The following PLEKHA5 variants were observed in gnomAD, a reference collection of about 807,000 sequenced individuals.
The protein encoded by PLEKHA5 is pleckstrin homology domain-containing family A member 5.
Under a neutral mutation model 181.9 loss-of-function variants are expected in PLEKHA5, and 55 were observed. That is an observed-to-expected ratio of 0.30 (90% CI 0.24 to 0.38). The LOEUF is 0.38. Among genes scored for constraint, PLEKHA5 ranks in the 10% least tolerant of loss-of-function variants. The probability of loss-of-function intolerance (pLI) is 1.00; values close to 1 mark genes in which losing one functional copy is unlikely to be tolerated. For synonymous variants in PLEKHA5, 535 were observed against 529.4 expected (o/e 1.01, Z -0.15); for missense variants, 1,432 against 1,549.5 (o/e 0.92, Z 1.27).
chr12:19,132,052 CT>C (rs531196693), intron 2 of PLEKHA5, among the ~76,000 whole-genome samples: 12 of 148,536 alleles, frequency 8.1e-5, no homozygotes, highest in Non-Finnish European at 6.0e-5. Flanking sequence ...TTATACCCAG[CT>C]TTTTTTTTTG....
At chr12:19,272,183 T>TA (rs1188033857) in intron 10 of PLEKHA5, among the ~76,000 whole-genome samples, 1 of 152,190 alleles carries the variant, frequency 6.6e-6, no homozygotes, top group African/African-American at 2.4e-5. Flanking sequence ...AATCTAAGTA[T>TA]AATATGGATT....
chr12:19,178,174 C>T, intron 3 of PLEKHA5, among the ~76,000 whole-genome samples: 1 of 152,132 alleles, frequency 6.6e-6, no homozygotes, highest in Non-Finnish European at 1.5e-5. Context: ...TTGTCATTTC[C>T]TTTGTGTGCT....
Position 19,329,437 on chromosome 12 carries a change from A to G in PLEKHA5, c.2448+6770A>G, listed in dbSNP as rs555026608. On this transcript the variant is annotated intron_variant, in intron 20 of 31. Transcript: ENST00000429027. Reference sequence around the variant, plus strand: ...TACCAGCTCTTTGTATGTCTGGTAGAAATCGGCTGTGAATCCATCTGATCC... The same window carrying G: ...TACCAGCTCTTTGTATGTCTGGTAGGAATCGGCTGTGAATCCATCTGATCC... Among the ~76,000 whole-genome samples, 5 of 152,306 alleles carry G rather than the reference A, an allele frequency of 3.3e-5. No homozygotes were observed. In the South Asian group the frequency reaches 1.0e-3, roughly 32 times the overall value.
chr12:19,337,454 C>G (rs1483561146), intron 21 of PLEKHA5, among the ~76,000 whole-genome samples: 1 of 146,238 alleles, frequency 6.8e-6, no homozygotes, highest in Non-Finnish European at 1.5e-5. Context: ...GAGGCTGAGG[C>G]AGGAGAATCA....
chr12:19,364,444 G>T (rs1475704120), intron 29 of PLEKHA5, among the ~76,000 whole-genome samples: 3 of 151,890 alleles, frequency 2.0e-5, no homozygotes, highest in African/African-American at 4.8e-5. Flanking sequence ...CAGGGAGGCG[G>T]AGGTCTCAGT....
At chr12:19,149,210 A>G (rs754331408) in intron 3 of PLEKHA5, among the ~76,000 whole-genome samples, 6 of 152,136 alleles carry the variant, frequency 3.9e-5, no homozygotes, top group Admixed American at 1.3e-4. Flanking sequence ...TTATTGCTCT[A>G]TGACAAACCA....
intron 3 of PLEKHA5, among the ~76,000 whole-genome samples, chr12:19,229,534 C>A (rs1040976517): frequency 2.6e-5 from 4 of 151,940 alleles, no homozygotes; most frequent in African/African-American, 9.7e-5. Context: ...GTTCATTCCT[C>A]CCGGTGGGTT....
At chr12:19,259,644 G>A (rs931691261) in intron 6 of PLEKHA5, among the ~76,000 whole-genome samples, 3 of 151,788 alleles carry the variant, frequency 2.0e-5, no homozygotes, top group South Asian at 4.2e-4. Flanking sequence ...CTAGCTACTC[G>A]GGAGGCTGAG....
At chr12:19,136,831 T>C (rs1206565809) in intron 3 of PLEKHA5, among the ~76,000 whole-genome samples, 1 of 151,862 alleles carries the variant, frequency 6.6e-6, no homozygotes, top group East Asian at 1.9e-4. Context: ...GCAAATAGAG[T>C]ATGAGGTTTT....
At chr12:19,136,879 A>G (rs1404332410) in intron 3 of PLEKHA5, among the ~76,000 whole-genome samples, 2 of 152,170 alleles carry the variant, frequency 1.3e-5, no homozygotes, top group East Asian at 1.9e-4. Context: ...AATGTATGCT[A>G]ATTCCAAACT....
At chr12:19,273,692 C>T (rs768870292) in intron 10 of PLEKHA5, among the ~76,000 whole-genome samples, 2 of 152,164 alleles carry the variant, frequency 1.3e-5, no homozygotes, top group African/African-American at 4.8e-5. Flanking sequence ...GTACAACTGT[C>T]GAGTGACCTA....
At chr12:19,211,977 G>A (rs1467154972) in intron 3 of PLEKHA5, among the ~76,000 whole-genome samples, 1 of 152,130 alleles carries the variant, frequency 6.6e-6, no homozygotes, top group African/African-American at 2.4e-5. Flanking sequence ...ACTTGGTTTT[G>A]GCTTGGTGGT....
At chr12:19,164,461 C>G (rs1432448772) in intron 3 of PLEKHA5, among the ~76,000 whole-genome samples, 1 of 152,184 alleles carries the variant, frequency 6.6e-6, no homozygotes, top group Non-Finnish European at 1.5e-5. Flanking sequence ...TCCCAAAGTG[C>G]TGGGATTACA....
At chr12:19,188,942 G>C (rs2050448303) in intron 3 of PLEKHA5, among the ~76,000 whole-genome samples, 1 of 152,142 alleles carries the variant, frequency 6.6e-6, no homozygotes, top group African/African-American at 2.4e-5. Flanking sequence ...AACTTTTGGG[G>C]TTACAGTGAT....
chr12:19,354,557 T>G (rs2094819589), intron 26 of PLEKHA5, among the ~76,000 whole-genome samples: 1 of 148,894 alleles, frequency 6.7e-6, no homozygotes, highest in African/African-American at 2.5e-5. Context: ...TTCAGCTCAC[T>G]GCAAACTCTG....
chr12:19,297,605 G>A (rs1164760565), intron 15 of PLEKHA5, among the ~76,000 whole-genome samples: 9 of 146,900 alleles, frequency 6.1e-5, no homozygotes, highest in Non-Finnish European at 1.3e-4. Flanking sequence ...GTCCGGCCTG[G>A]GCGACAGAGC....
chr12:19,256,189 A>AG (rs1325360125), intron 5 of PLEKHA5, among the ~76,000 whole-genome samples: 1 of 152,184 alleles, frequency 6.6e-6, no homozygotes, highest in East Asian at 1.9e-4. Context: ...CCTCATCCAT[A>AG]ATATGAAAAA....
At chr12:19,298,465 G>A (rs888405714) in intron 15 of PLEKHA5, among the ~76,000 whole-genome samples, 10 of 121,582 alleles carry the variant, frequency 8.2e-5, no homozygotes, top group South Asian at 2.6e-4. Flanking sequence ...GAAGATCTCC[G>A]TCTCTTGGTG....
chr12:19,253,064 C>CTTTTTTTTTT (rs35536570), intron 3 of PLEKHA5, among the ~76,000 whole-genome samples: 705 of 45,884 alleles, frequency 0.015, 135 homozygotes, highest in African/African-American at 0.027. Flanking sequence ...ATCAACTTAC[C>CTTTTTTTTTT]TTTTTTTTTT....
Sources: gnomAD v4.1 joint callset for allele counts (sites outside exome capture counted in the v4.1 genomes callset) on GRCh38, gnomAD v4.1.1 for gene constraint, MANE v1.5 for transcripts, NCBI Gene and HGNC (gene_info 2026-07-23, HGNC 2026-07-21) for gene names.